SPATS2: variants seen among roughly 807,000 people sequenced by gnomAD.
SPATS2 encodes the protein spermatogenesis associated serine rich 2.
In SPATS2, 38 loss-of-function variants were observed where a neutral mutation model predicts 63.7. The observed-to-expected ratio is 0.60, with a 90% CI of 0.46 to 0.78. The LOEUF (loss-of-function observed/expected upper bound fraction) is 0.78, where lower values mean the gene tolerates loss of function less well. Ranked by LOEUF, SPATS2 falls within the 30% of genes least tolerant of loss-of-function variation. The probability of loss-of-function intolerance (pLI) is 0.00; values close to 1 mark genes in which losing one functional copy is unlikely to be tolerated. For synonymous variants in SPATS2, 207 were observed against 232.9 expected (o/e 0.89, Z 1.01); for missense variants, 588 against 666.2 (o/e 0.88, Z 1.29).
At chr12:49,422,293 T>A (rs1346286491) in intron 2 of SPATS2, among the ~76,000 whole-genome samples, 1 of 152,188 alleles carries the variant, frequency 6.6e-6, no homozygotes, top group Non-Finnish European at 1.5e-5. Context: ...AAATGAATGA[T>A]AAGTACTTCA....
intron 2 of SPATS2, among the ~76,000 whole-genome samples, chr12:49,442,819 A>T (rs1173729940): frequency 6.8e-6 from 1 of 147,910 alleles, no homozygotes; most frequent in Non-Finnish European, 1.5e-5. Flanking sequence ...AAAAAAAAAA[A>T]AAATTACATT....
chr12:49,374,669 A>G (rs1229787533), intron 2 of SPATS2, among the ~76,000 whole-genome samples: 3 of 151,916 alleles, frequency 2.0e-5, no homozygotes, highest in African/African-American at 4.8e-5. Flanking sequence ...TGGTTAAGAC[A>G]TAAGTTGAAG....
intron 3 of SPATS2, chr12:49,469,555 A>G (rs1488769210): frequency 4.6e-6 from 2 of 431,360 alleles, no homozygotes; most frequent in East Asian, 7.0e-5. Flanking sequence ...AAAAAAAAAA[A>G]AAAAAAAAAG....
intron 2 of SPATS2, among the ~76,000 whole-genome samples, chr12:49,378,492 T>G (rs937777512): frequency 6.6e-6 from 1 of 150,758 alleles, no homozygotes; most frequent in Non-Finnish European, 1.5e-5. Context: ...TAGAGACGGG[T>G]TTCACCGTTT....
intron 2 of SPATS2, among the ~76,000 whole-genome samples, chr12:49,407,645 T>G (rs1944719950): frequency 6.6e-6 from 1 of 152,220 alleles, no homozygotes; most frequent in Admixed American, 6.5e-5. Context: ...AGGCCCTGGC[T>G]CTCTATCGCC....
intron 2 of SPATS2, among the ~76,000 whole-genome samples, chr12:49,411,089 ACT>A (rs150326553): frequency 0.092 from 14,010 of 151,906 alleles, 755 homozygotes; most frequent in African/African-American, 0.14. Flanking sequence ...GGATGGGATG[ACT>A]CTGCTATCAG....
intron 3 of SPATS2, 171 bp downstream of exon 3, chr12:49,461,208 C>A: frequency 1.5e-6 from 1 of 686,232 alleles, no homozygotes; most frequent in Non-Finnish European, 2.4e-6. Context: ...ATTCATATAA[C>A]AATAGCTTTT....
At chr12:49,405,620 A>G (rs1944679825) in intron 2 of SPATS2, among the ~76,000 whole-genome samples, 1 of 152,028 alleles carries the variant, frequency 6.6e-6, no homozygotes, top group Admixed American at 6.6e-5. Context: ...AATCACTTGA[A>G]CCCGGGAGGT....
chr12:49,421,811 A>T (rs907124900), intron 2 of SPATS2, among the ~76,000 whole-genome samples: 2 of 152,312 alleles, frequency 1.3e-5, no homozygotes, highest in Middle Eastern at 6.8e-3. Flanking sequence ...TTGAATTTGG[A>T]CTATGTACGC....
chr12:49,367,604 T>C lies in SPATS2; in HGVS notation c.-307+17T>C, dbSNP rs1565686949. The C allele has an allele frequency of 1.9e-5, 5 of 258,690 alleles. No individual in the cohort carries two copies. The East Asian group carries it at 3.3e-4, about 17-fold the overall frequency. 16.0% of individuals were successfully genotyped at this position (258,690 alleles called of 1,614,324 possible). Reference sequence around the variant, plus strand: ...CTGGGCTAGGTGAGGCTAAGGGTGCTGGGTGGCGGGGTTGGCGGGGGCTCA... The same window carrying C: ...CTGGGCTAGGTGAGGCTAAGGGTGCCGGGTGGCGGGGTTGGCGGGGGCTCA... On this transcript the variant is annotated intron_variant, in intron 1 of 13. Coordinates refer to ENST00000552918, the MANE Select transcript of SPATS2 (RefSeq NM_023071.4).
chr12:49,395,883 T>C (rs1281356897), intron 2 of SPATS2, among the ~76,000 whole-genome samples: 1 of 152,218 alleles, frequency 6.6e-6, no homozygotes, highest in Non-Finnish European at 1.5e-5. Context: ...ACTGAAACTT[T>C]ATACCCACTG....
chr12:49,372,480 T>C (rs1475286723), intron 2 of SPATS2, among the ~76,000 whole-genome samples: 2 of 152,234 alleles, frequency 1.3e-5, no homozygotes, highest in Non-Finnish European at 2.9e-5. Flanking sequence ...GGAAATGTTT[T>C]ACCCAGTTTT....
chr12:49,498,144 AAAT>A (rs1253163726), intron 8 of SPATS2, among the ~76,000 whole-genome samples: 222 of 112,090 alleles, frequency 2.0e-3, no homozygotes, highest in East Asian at 2.4e-3. Flanking sequence ...AAAAAAAAAA[AAAT>A]ATATATATAT....
chr12:49,385,357 A>AGTGTGTGTGT (rs57896651), intron 2 of SPATS2, among the ~76,000 whole-genome samples: 10,387 of 141,892 alleles, frequency 0.073, 489 homozygotes, highest in African/African-American at 0.12. Flanking sequence ...TAAGTATATA[A>AGTGTGTGTGT]GTGTGTGTGT....
chr12:49,460,600 T>G (rs548618103), intron 2 of SPATS2, among the ~76,000 whole-genome samples, 170 bp from the exon 3 acceptor site: 73 of 152,344 alleles, frequency 4.8e-4, no homozygotes, highest in African/African-American at 1.7e-3. Context: ...ATTCTAAGAT[T>G]AACTTTTCTT....
intron 2 of SPATS2, among the ~76,000 whole-genome samples, chr12:49,401,547 A>G (rs1944605478): frequency 6.6e-6 from 1 of 152,342 alleles, no homozygotes; most frequent in Admixed American, 6.5e-5. Context: ...CCCAAACATC[A>G]TATTTTGTGC....
chr12:49,375,476 T>G (rs1351816557), intron 2 of SPATS2, among the ~76,000 whole-genome samples: 1 of 152,240 alleles, frequency 6.6e-6, no homozygotes, highest in African/African-American at 2.4e-5. Flanking sequence ...CCACTTGGTC[T>G]CTGATCATAG....
intron 3 of SPATS2, chr12:49,462,279 G>C (rs546858837): frequency 1.6e-5 from 11 of 702,346 alleles, no homozygotes; most frequent in South Asian, 1.2e-4. Flanking sequence ...TCACAGGAAG[G>C]AGAGCGCGAG....
At chr12:49,394,869 C>T (rs1022878662) in intron 2 of SPATS2, among the ~76,000 whole-genome samples, 10 of 151,806 alleles carry the variant, frequency 6.6e-5, no homozygotes, top group Non-Finnish European at 1.0e-4. Context: ...GTCAGGAGTT[C>T]GAAACCAGCC....
Sources: allele counts gnomAD v4.1 joint callset (sites outside exome capture counted in the v4.1 genomes callset), GRCh38; gene constraint gnomAD v4.1.1; transcripts MANE v1.5; gene names NCBI Gene and HGNC (gene_info 2026-07-23, HGNC 2026-07-21).